Variants in CNTNAP3B observed in about 807,000 individuals in gnomAD.
CNTNAP3B encodes contactin associated protein family member 3B, also known as contactin-associated protein-like 3B.
Under a neutral mutation model 108.9 loss-of-function variants are expected in CNTNAP3B, and 25 were observed. The ratio of observed to expected loss-of-function variants is 0.23; its 90% CI spans 0.17 to 0.32. The LOEUF is 0.32. Ranked by LOEUF, CNTNAP3B falls within the 10% of genes least tolerant of loss-of-function variation. CNTNAP3B has a pLI of 1.00. For synonymous variants in CNTNAP3B, 103 were observed against 473.4 expected, an observed-to-expected ratio of 0.22 and a Z score of 10.16; for missense variants, 252 against 1,210.4, an observed-to-expected ratio of 0.21 and a Z score of 11.75.
chr9:42,030,222 A>G (rs1826487724), intron 3 of CNTNAP3B, among the ~76,000 whole-genome samples: 1 of 60,466 alleles, frequency 1.7e-5, no homozygotes, highest in Non-Finnish European at 2.9e-5. Context: ...CTTTCACTGA[A>G]CCCCAAAAGT....
intron 2 of CNTNAP3B, among the ~76,000 whole-genome samples, chr9:42,086,938 A>G (rs1827716341): frequency 9.0e-6 from 1 of 111,254 alleles, no homozygotes; most frequent in Admixed American, 9.3e-5. Flanking sequence ...GTTTCTTCCA[A>G]TCTATAAACA....
chr9:41,924,943 T>C (rs1823772807), intron 15 of CNTNAP3B, among the ~76,000 whole-genome samples: 4 of 152,238 alleles, frequency 2.6e-5, no homozygotes, highest in African/African-American at 9.6e-5. Context: ...GGATTCATGT[T>C]GTGCATTTTT....
rs1289950778 is a variant in CNTNAP3B, at chr9:42,026,739, G to T, written c.391-13214C>A. Reference sequence around the variant, plus strand: ...TCTGGACTTCCCATATTTTTCTGCCGTTAAAACCTATCCTGAATCATATAG... The same window carrying T: ...TCTGGACTTCCCATATTTTTCTGCCTTTAAAACCTATCCTGAATCATATAG... On this transcript the variant is annotated intron_variant, in intron 3 of 23. Transcript: ENST00000377561. Among the ~76,000 whole-genome samples, 3 of 131,990 alleles carry T rather than the reference G, an allele frequency of 2.3e-5. 1 individual carries two copies. The highest frequency in any genetic ancestry group is 2.5e-4 in the South Asian group (1 of 4,026). 86.6% of individuals were successfully genotyped at this position (131,990 alleles called of 152,430 possible).
intron 1 of CNTNAP3B, among the ~76,000 whole-genome samples, chr9:42,114,892 A>G (rs1390411973): frequency 7.5e-6 from 1 of 133,914 alleles, no homozygotes; most frequent in East Asian, 2.3e-4. Context: ...CATCTTTAGT[A>G]AAAATACAAA....
At chr9:41,947,545 T>C (rs1824562300) in intron 13 of CNTNAP3B, among the ~76,000 whole-genome samples, 1 of 152,160 alleles carries the variant, frequency 6.6e-6, no homozygotes, top group South Asian at 2.1e-4. Flanking sequence ...TAAAACTGTG[T>C]TGATAGGGAA....
At position 42,097,023 on chromosome 9, in the gene CNTNAP3B, A is replaced by G. The variant is rs1457124456; in HGVS notation, c.196+7606T>C. On this transcript the variant is annotated intron_variant, in intron 2 of 23. Coordinates refer to ENST00000377561, the MANE Select transcript of CNTNAP3B (RefSeq NM_001201380.3). ...CGCCTCAGCCTCCCAAAGTGCTGGG[A>G]TTACAGGCGTGAACCACTGTGCCCG... Among the ~76,000 whole-genome samples the G allele has an allele frequency of 3.7e-5, 5 of 136,840 alleles. 1 individual carries two copies. In the East Asian group the frequency reaches 1.1e-3, roughly 30 times the overall value. The allele number at this position is 136,840 out of a possible 152,430, so 89.8% of individuals were successfully genotyped here. A position where few individuals can be genotyped will look rare whatever the true frequency, so the allele number is the denominator to read the frequency against.
At chr9:41,926,050 G>A (rs1489360480) in intron 15 of CNTNAP3B, among the ~76,000 whole-genome samples, 4,625 of 115,060 alleles carry the variant, frequency 0.04, no homozygotes, top group East Asian at 0.054. Flanking sequence ...ATACACACAC[G>A]CAGTCTCTCT....
intron 1 of CNTNAP3B, among the ~76,000 whole-genome samples, chr9:42,115,510 G>A (rs1189870575): frequency 1.4e-5 from 2 of 139,310 alleles, no homozygotes; most frequent in East Asian, 2.2e-4. Flanking sequence ...CCTCTGAGAC[G>A]AAGCTTCCAG....
intron 3 of CNTNAP3B, among the ~76,000 whole-genome samples, chr9:42,019,229 ATTATT>A (rs1236019300): frequency 2.8e-5 from 2 of 72,594 alleles, no homozygotes; most frequent in African/African-American, 5.6e-5. Flanking sequence ...GCTGTACTTA[ATTATT>A]TTAAAGTGCT....
Position 42,084,343 on chromosome 9 carries a change from GGA to G in CNTNAP3B, c.197-7283_197-7282del, listed in dbSNP as rs1827662274. Reference sequence around the variant, plus strand: ...GGTGATGTGCAAATGGGGCATATGCGGAGAGGGCTGGAATGGAGTCAGGGCAC... The same window carrying G: ...GGTGATGTGCAAATGGGGCATATGCGGAGGGCTGGAATGGAGTCAGGGCAC... On this transcript the variant is annotated intron_variant, in intron 2 of 23. Transcript: ENST00000377561. 1.7e-5 allele frequency among the ~76,000 whole-genome samples: 2 copies of G among 117,096 alleles called. 1 individual carries two copies. The highest frequency in any genetic ancestry group is 6.8e-5 in the African/African-American group (2 of 29,392). The allele number at this position is 117,096 out of a possible 152,430, so 76.8% of individuals were successfully genotyped here.
At chr9:41,967,857 A>G (rs1825327489) in intron 10 of CNTNAP3B, among the ~76,000 whole-genome samples, 1 of 152,284 alleles carries the variant, frequency 6.6e-6, no homozygotes, top group Non-Finnish European at 1.5e-5. Flanking sequence ...GTGCTTTCTT[A>G]AAATCCTTAT....
chr9:41,932,761 G>A (rs1480108047), intron 14 of CNTNAP3B, among the ~76,000 whole-genome samples: 75 of 151,870 alleles, frequency 4.9e-4, no homozygotes, highest in Non-Finnish European at 6.9e-4. Flanking sequence ...TTCATGATCT[G>A]CCCGCCTTGG....
intron 14 of CNTNAP3B, among the ~76,000 whole-genome samples, chr9:41,930,581 AGC>A (rs1366496789): frequency 2.0e-5 from 3 of 151,828 alleles, no homozygotes; most frequent in Non-Finnish European, 4.4e-5. Context: ...CCAAACACTC[AGC>A]GCTCACCTTT....
At position 42,096,705 on chromosome 9, in the gene CNTNAP3B, T is replaced by C. The variant is rs1348425450; in HGVS notation, c.196+7924A>G. ...CATATCCCCCCATCAAAAGCTCCCA[T>C]TATGAGTTTCTGGCTGACTTACGCC... On this transcript the variant is annotated intron_variant, in intron 2 of 23. Transcript: ENST00000377561. Among the ~76,000 whole-genome samples, 2 of 108,762 alleles carry C rather than the reference T, an allele frequency of 1.8e-5. 1 individual carries two copies. The highest frequency in any genetic ancestry group is 7.4e-5 in the African/African-American group (2 of 27,158). The allele number at this position is 108,762 out of a possible 152,430, so 71.4% of individuals were successfully genotyped here.
chr9:41,926,627 T>C (rs1393164485), intron 15 of CNTNAP3B: 1 of 152,324 alleles, frequency 6.6e-6, no homozygotes, highest in Non-Finnish European at 1.5e-5. Context: ...AGCTAATTTT[T>C]AGTTTTTTTG....
At chr9:41,949,856 A>C (rs1824625870) in intron 13 of CNTNAP3B, among the ~76,000 whole-genome samples, 1 of 151,986 alleles carries the variant, frequency 6.6e-6, no homozygotes. Flanking sequence ...TGTACAACCC[A>C]TAAAAGGAAA....
chr9:41,958,580 G>T (rs1693080), intron 12 of CNTNAP3B, among the ~76,000 whole-genome samples: 10 of 151,866 alleles, frequency 6.6e-5, no homozygotes, highest in Non-Finnish European at 1.3e-4. Flanking sequence ...TAGGGAGCCT[G>T]TGCCTCTGGG....
chr9:42,077,752 C>T (rs879866495), intron 2 of CNTNAP3B, among the ~76,000 whole-genome samples: 1,363 of 107,720 alleles, frequency 0.013, 95 homozygotes, highest in South Asian at 0.05. Flanking sequence ...AAGCCTCACA[C>T]AGCGCTCATC....
intron 10 of CNTNAP3B, among the ~76,000 whole-genome samples, chr9:41,965,712 C>G (rs1370774524): frequency 6.6e-6 from 1 of 152,120 alleles, no homozygotes; most frequent in African/African-American, 2.4e-5. Context: ...CCATGGGACC[C>G]AGAGAAGTAA....
Sources: allele counts gnomAD v4.1 joint callset (sites outside exome capture counted in the v4.1 genomes callset), GRCh38; gene constraint gnomAD v4.1.1; transcripts MANE v1.5; gene names NCBI Gene and HGNC (gene_info 2026-07-23, HGNC 2026-07-21).